PBX3: variants seen among roughly 807,000 people sequenced by gnomAD.
The protein encoded by PBX3 is pre-B-cell leukemia transcription factor 3.
A neutral mutation model predicts 48.5 loss-of-function variants in PBX3; 14 were observed. That is an observed-to-expected ratio of 0.29 (90% CI 0.19 to 0.45). The LOEUF (loss-of-function observed/expected upper bound fraction) is 0.45. Among genes scored for constraint, PBX3 ranks in the 20% least tolerant of loss-of-function variants. The pLI is 1.00. For synonymous variants in PBX3, 210 were observed against 200.3 expected, an observed-to-expected ratio of 1.05 and a Z score of -0.41; for missense variants, 386 against 546.7, an observed-to-expected ratio of 0.71 and a Z score of 2.93.
At chr9:125,847,163 A>G (rs1428873494) in intron 2 of PBX3, among the ~76,000 whole-genome samples, 4 of 151,912 alleles carry the variant, frequency 2.6e-5, no homozygotes, top group African/African-American at 2.4e-5. Flanking sequence ...TTTTCTCTTT[A>G]TTGGTAATGT....
intron 2 of PBX3, among the ~76,000 whole-genome samples, chr9:125,854,743 C>A (rs2132271325): frequency 6.6e-6 from 1 of 152,258 alleles, no homozygotes; most frequent in East Asian, 1.9e-4. Flanking sequence ...ATAAGCATTG[C>A]AATCATTGTC....
At position 125,900,049 on chromosome 9, in the gene PBX3, A is replaced by G. The variant is rs188127321; in HGVS notation, c.275-15637A>G. Among the ~76,000 whole-genome samples, 733 of 151,852 alleles carry G rather than the reference A, an allele frequency of 4.8e-3. 2 individuals carry two copies. Among genetic ancestry groups the G allele is most frequent in the Non-Finnish European group, 8.3e-3 (564 of 67,766 alleles). ...CATAGTATTGTATCATCAGTTAAGCATATCTCTGACAATAAACTTAAAACT... is the reference window on the plus strand; with the variant it reads ...CATAGTATTGTATCATCAGTTAAGCGTATCTCTGACAATAAACTTAAAACT... On this transcript the variant is annotated intron_variant, in intron 2 of 8. Transcript: ENST00000373489.
rs536129292 is a variant in PBX3 at position 125,962,182 on chromosome 9, G to C, written c.1090G>C (p.Gly364Arg). The change falls in exon 7 of 9, where the codon GGG (glycine) becomes CGG (arginine). Residue 364 changes from glycine (G) to arginine (R), a missense_variant. Coordinates refer to ENST00000373489, the MANE Select transcript of PBX3 (RefSeq NM_006195.6). ...MQSLNGDSYQ[G>R]SQVGANVQSQ... is the part of the protein sequence containing the mutation. ...GAGTCTGAATGGGGATTCTTACCAA[G>C]GGTCCCAAGTCGGAGCCAATGTGCA... 1 of 1,612,038 alleles carries C rather than the reference G, an allele frequency of 6.2e-7. No homozygotes were observed. The highest frequency in any genetic ancestry group is 1.1e-5 in the South Asian group (1 of 91,004).
chr9:125,835,394 C>T (rs1839102978), intron 2 of PBX3, among the ~76,000 whole-genome samples: 2 of 152,150 alleles, frequency 1.3e-5, no homozygotes, highest in South Asian at 4.1e-4. Context: ...TTATATTCTA[C>T]TGACTTGCAA....
intron 2 of PBX3, among the ~76,000 whole-genome samples, chr9:125,865,967 T>C (rs765367683): frequency 1.3e-5 from 2 of 151,792 alleles, no homozygotes. Context: ...CCCCAATTTT[T>C]TTCCCCCCAC....
At position 125,915,274 on chromosome 9, in the gene PBX3, A is replaced by G. The variant is rs10124948; in HGVS notation, c.275-412A>G. Among the ~76,000 whole-genome samples the G allele has an allele frequency of 8.6e-3, 1,314 of 152,296 alleles. 16 individuals are homozygous for G. The highest frequency in any genetic ancestry group is 0.03 in the African/African-American group (1,244 of 41,570). ...CCAACTGTACAGAGAGAGACAGAAT[A>G]ACCACCTTTGGATGAGTTGTTTTAT... On this transcript the variant is annotated intron_variant, in intron 2 of 8. Transcript: ENST00000373489.
At chr9:125,802,561 G>T (rs1384458028) in intron 2 of PBX3, among the ~76,000 whole-genome samples, 1 of 151,622 alleles carries the variant, frequency 6.6e-6, no homozygotes, top group Non-Finnish European at 1.5e-5. Context: ...TAGAGACAGG[G>T]TTTCACTATG....
intron 5 of PBX3, among the ~76,000 whole-genome samples, chr9:125,950,301 A>G (rs1029147838): frequency 3.9e-5 from 6 of 152,222 alleles, no homozygotes; most frequent in Admixed American, 1.3e-4. Flanking sequence ...GCGTCAGCAC[A>G]TTATGGCAAT....
intron 5 of PBX3, among the ~76,000 whole-genome samples, chr9:125,941,946 T>C (rs915588858): frequency 6.6e-6 from 1 of 152,240 alleles, no homozygotes; most frequent in Non-Finnish European, 1.5e-5. Context: ...GTTAACTTAT[T>C]CTTCATTTCT....
chr9:125,873,667 A>C (rs1840180854), intron 2 of PBX3, among the ~76,000 whole-genome samples: 1 of 152,220 alleles, frequency 6.6e-6, no homozygotes, highest in South Asian at 2.1e-4. Context: ...TATAGTTTAC[A>C]CCAACACTTA....
Position 125,809,498 on chromosome 9 carries a change from A to G in PBX3, c.274+60875A>G, listed in dbSNP as rs919279182. ...CCTTTGTAATCATTTGGTTATTTTT[A>G]TAACTCAAATGCAGTTGTACTTCTG... On this transcript the variant is annotated intron_variant, in intron 2 of 8. Transcript: ENST00000373489. Among the ~76,000 whole-genome samples the G allele has an allele frequency of 6.8e-5, 10 of 146,212 alleles. No homozygotes were observed. In the East Asian group the frequency reaches 1.6e-3, roughly 23 times the overall value.
intron 2 of PBX3, among the ~76,000 whole-genome samples, chr9:125,855,004 C>A (rs1464455204): frequency 1.3e-5 from 2 of 152,142 alleles, no homozygotes; most frequent in Admixed American, 1.3e-4. Flanking sequence ...CATCAGTAAG[C>A]AAGATTGTAT....
At chr9:125,780,861 G>A (rs1279248536) in intron 2 of PBX3, among the ~76,000 whole-genome samples, 4 of 142,418 alleles carry the variant, frequency 2.8e-5, no homozygotes, top group Non-Finnish European at 4.6e-5. Flanking sequence ...CGGGCAGAGG[G>A]ACTCCTCACT....
intron 2 of PBX3, among the ~76,000 whole-genome samples, chr9:125,898,528 G>A (rs1358541277): frequency 6.6e-6 from 1 of 151,544 alleles, no homozygotes; most frequent in East Asian, 1.9e-4. Flanking sequence ...TATAGTTTGT[G>A]GTTATAATGT....
chr9:125,859,152 T>A (rs1344839727), intron 2 of PBX3, among the ~76,000 whole-genome samples: 1 of 152,116 alleles, frequency 6.6e-6, no homozygotes, highest in East Asian at 1.9e-4. Flanking sequence ...GGTGATGAGA[T>A]AAGAGAAAAT....
intron 5 of PBX3, among the ~76,000 whole-genome samples, chr9:125,940,857 A>G (rs1189975044): frequency 6.6e-6 from 1 of 152,238 alleles, no homozygotes; most frequent in Non-Finnish European, 1.5e-5. Flanking sequence ...AGGAGGAAGA[A>G]CTATTTCTTG....
chr9:125,792,067 C>T (rs1837629653), intron 2 of PBX3, among the ~76,000 whole-genome samples: 1 of 149,690 alleles, frequency 6.7e-6, no homozygotes, highest in Admixed American at 6.6e-5. Context: ...CGCACGCACG[C>T]ACGCACGCAT....
chr9:125,949,339 G>C, intron 5 of PBX3: 1 of 1,550,062 alleles, frequency 6.5e-7, no homozygotes, highest in Non-Finnish European at 8.7e-7. Context: ...AATGCCAGTT[G>C]TCATCCATTC....
chr9:125,755,550 A>G (rs895773867), intron 2 of PBX3, among the ~76,000 whole-genome samples: 7 of 152,086 alleles, frequency 4.6e-5, no homozygotes, highest in African/African-American at 1.4e-4. Context: ...CTAATGCCCT[A>G]GAAGTATTAA....
Sources: gnomAD v4.1 joint callset for allele counts (sites outside exome capture counted in the v4.1 genomes callset) on GRCh38, gnomAD v4.1.1 for gene constraint, MANE v1.5 for transcripts, NCBI Gene and HGNC (gene_info 2026-07-23, HGNC 2026-07-21) for gene names.